The following CCDC47 variants were observed in gnomAD, a reference collection of about 807,000 sequenced individuals.
CCDC47 encodes the protein coiled-coil domain containing 47.
A neutral mutation model predicts 60.5 loss-of-function variants in CCDC47; 41 were observed. The observed-to-expected ratio is 0.68, with a 90% confidence interval of 0.53 to 0.88. The LOEUF (loss-of-function observed/expected upper bound fraction) is 0.88, where lower values mean the gene tolerates loss of function less well. CCDC47 is among the 40% of genes least tolerant of loss of function. The probability of loss-of-function intolerance (pLI) is 0.00; values close to 1 mark genes in which losing one functional copy is unlikely to be tolerated. For missense variants in CCDC47, 513 were observed against 580.9 expected (o/e 0.88, Z 1.20); for synonymous variants, 195 against 190.7 (o/e 1.02, Z -0.18).
chr17:63,761,828 C>G, intron 4 of CCDC47: 1 of 978,782 alleles, frequency 1.0e-6, no homozygotes, highest in Non-Finnish European at 1.2e-6. Context: ...AATAGATTAG[C>G]ACTGTTCGTT....
chr17:63,747,243 G>C, intron 12 of CCDC47: 1 of 984,748 alleles, frequency 1.0e-6, no homozygotes, highest in Non-Finnish European at 1.2e-6. Flanking sequence ...TTGTTATTCT[G>C]GTTTGATTTT....
intron 12 of CCDC47, among the ~76,000 whole-genome samples, chr17:63,750,611 G>A (rs1225774774): frequency 6.6e-6 from 1 of 150,916 alleles, no homozygotes; most frequent in Non-Finnish European, 1.5e-5. Context: ...TTGAGACAGG[G>A]TCTCCCTCTG....
Position 63,765,903 on chromosome 17 carries a change from G to C in CCDC47, c.264+9C>G. On this transcript the variant is annotated intron_variant, in intron 2 of 12. Coordinates refer to ENST00000225726, the MANE Select transcript of CCDC47 (RefSeq NM_020198.3). ...AATTTTTCCAATAAATTAATAAAAA[G>C]AGCCTCACCTGGGTATCTGCATCTT... The C allele has an allele frequency of 6.3e-7, 1 of 1,594,164 alleles. No individual in the cohort carries two copies. The highest frequency in any genetic ancestry group is 1.1e-5 in the South Asian group (1 of 87,586).
In CCDC47 at chr17:63,760,943, G is replaced by A. The variant is rs200959607; in HGVS notation, c.706C>T (p.Arg236Trp). ...TGATCACTCACTGGCCTCATCATCC[G>A]GGCCAGGACATTCAGTAAGTCTTGT... ...KRQDLLNVLA[R>W]MMRPVSDQVQ... Residue 236 changes from arginine to tryptophan, a missense_variant, in exon 6 of 13, where the codon CGG becomes TGG. Arg to Trp is a moderately radical substitution (Grantham distance 101). Coordinates refer to ENST00000225726, the MANE Select transcript of CCDC47 (RefSeq NM_020198.3). 30 of 1,613,348 alleles carry A rather than the reference G, an allele frequency of 1.9e-5. No individual in the cohort carries two copies. Among genetic ancestry groups the A allele is most frequent in the Non-Finnish European group, 2.5e-5 (29 of 1,179,682 alleles).
chr17:63,749,010 T>C (rs1394715406), intron 12 of CCDC47, among the ~76,000 whole-genome samples: 2 of 141,334 alleles, frequency 1.4e-5, no homozygotes, highest in Non-Finnish European at 3.0e-5. Flanking sequence ...TGAGTTTGTC[T>C]CAAAGAAAAA....
intron 12 of CCDC47, among the ~76,000 whole-genome samples, chr17:63,751,365 CAAAAAAAAAAAAAAAAAAAAAAAA>C (rs59161342): frequency 3.4e-4 from 10 of 29,500 alleles, no homozygotes; most frequent in Non-Finnish European, 4.9e-4. Context: ...GACTCCATCT[CAAAAAAAAAAAAAAAAAAAAAAAA>C]AAAAAAAAAA....
At chr17:63,750,970 G>GT (rs1315146625) in intron 12 of CCDC47, among the ~76,000 whole-genome samples, 1 of 151,612 alleles carries the variant, frequency 6.6e-6, no homozygotes, top group African/African-American at 2.4e-5. Flanking sequence ...AATCTCCCAG[G>GT]TTCAAGTAAT....
At chr17:63,753,090 A>G (rs1568246716) in intron 9 of CCDC47, 2 of 373,002 alleles carry the variant, frequency 5.4e-6, no homozygotes, top group Non-Finnish European at 7.4e-6. Context: ...AAATGAGCCT[A>G]TATTTAAGTA....
intron 9 of CCDC47, 75 bp from the exon 10 acceptor site, chr17:63,752,874 C>A: frequency 6.4e-7 from 1 of 1,554,972 alleles, no homozygotes; most frequent in Non-Finnish European, 8.7e-7. Flanking sequence ...ACCCAATACA[C>A]TTAGATGAAC....
Position 63,761,008 on chromosome 17 carries a change from C to T in CCDC47, c.670-29G>A, listed in dbSNP as rs141051031. On this transcript the variant is annotated intron_variant, in intron 5 of 12. Coordinates refer to ENST00000225726, the MANE Select transcript of CCDC47 (RefSeq NM_020198.3). ...AAAAAAATGAGAGAAGTAAGTAAAT[C>T]CAACTGCAACTCCTACTTAGTATAA... is the stretch of plus-strand genomic sequence containing the variant. The T allele has an allele frequency of 1.1e-3, 1,711 of 1,556,052 alleles. 17 individuals are homozygous for T. In the African/African-American group the frequency reaches 0.021, roughly 19 times the overall value.
chr17:63,761,305 G>A lies in CCDC47; in HGVS notation c.594C>T (p.Asn198=), dbSNP rs1164610377. Residue 198 remains asparagine (N), a synonymous_variant, in exon 5 of 13, where the codon AAC becomes AAT. Coordinates refer to ENST00000225726, the MANE Select transcript of CCDC47 (RefSeq NM_020198.3). ...NKEATSTGKL[N]QENEHIYNLW... is the part of the protein sequence containing the mutation. ...GGTTATAGATGTGCTCATTCTCCTG[G>A]TTCAACTTTCCTGTGCTTGTGGCTT... The A allele has an allele frequency of 5.0e-6, 8 of 1,613,948 alleles. No homozygotes were observed. The highest frequency in any genetic ancestry group is 6.8e-6 in the Non-Finnish European group (8 of 1,179,972).
Position 63,760,913 on chromosome 17 carries a change from C to T in CCDC47, c.735+1G>A, listed in dbSNP as rs773617514. 1 of 1,604,760 alleles carries T rather than the reference C, an allele frequency of 6.2e-7. No individual in the cohort carries two copies. Among genetic ancestry groups the T allele is most frequent in the East Asian group, 2.2e-5 (1 of 44,820 alleles). ...AGAAAACCAGCGGGAAGAATACATA[C>T]CACTTGATCACTCACTGGCCTCATC... On this transcript the variant is annotated splice_donor_variant, in intron 6 of 12. Transcript: ENST00000225726. LOFTEE classifies it high-confidence loss of function.
chr17:63,748,765 A>G (rs1452474842), intron 12 of CCDC47, among the ~76,000 whole-genome samples: 1 of 152,094 alleles, frequency 6.6e-6, no homozygotes, highest in Admixed American at 6.6e-5. Flanking sequence ...CCTCGCCTAC[A>G]CTTTGGGAGG....
At chr17:63,747,852 GT>G in intron 12 of CCDC47, 3 of 933,664 alleles carry the variant, frequency 3.2e-6, no homozygotes, top group Non-Finnish European at 3.8e-6. Context: ...ACTGTCTTAG[GT>G]TTTTTCTTTA....
chr17:63,749,224 T>C (rs528720364), intron 12 of CCDC47, among the ~76,000 whole-genome samples: 22 of 148,418 alleles, frequency 1.5e-4, no homozygotes, highest in Non-Finnish European at 2.5e-4. Context: ...CTGACCAACA[T>C]GGTGAAACCC....
Position 63,764,210 on chromosome 17 carries a change from C to T in CCDC47, c.373-20G>A. 1 of 1,560,264 alleles carries T rather than the reference C, an allele frequency of 6.4e-7. No individual in the cohort carries two copies. The highest frequency in any genetic ancestry group is 8.6e-7 in the Non-Finnish European group (1 of 1,156,276). On this transcript the variant is annotated intron_variant, in intron 3 of 12. Transcript: ENST00000225726. ...AGGAACCTAAAAAAGCAAAATCATTCCATTAAATGTTGGCTGAGACTGAAG... is the reference window on the plus strand; with the variant it reads ...AGGAACCTAAAAAAGCAAAATCATTTCATTAAATGTTGGCTGAGACTGAAG...
At chr17:63,765,646 A>T (rs1394032450) in intron 2 of CCDC47, 2 of 1,157,824 alleles carry the variant, frequency 1.7e-6, no homozygotes, top group Non-Finnish European at 2.1e-6. Flanking sequence ...AGCCAATTGC[A>T]AAGTTCTAAA....
intron 1 of CCDC47, among the ~76,000 whole-genome samples, chr17:63,770,018 T>C (rs1309944055): frequency 6.7e-6 from 1 of 149,702 alleles, no homozygotes; most frequent in Non-Finnish European, 1.5e-5. Flanking sequence ...TGGAGTGTAG[T>C]GGCGTGATCT....
chr17:63,746,277 A>T lies in CCDC47; in HGVS notation c.*604T>A, dbSNP rs956016481. The stretch of plus-strand genomic sequence containing the variant: ...TCCTAATGCCTACAGACTTCCTATT[A>T]ATTTTGTTATCAGCATCTCCCACCT... On this transcript the variant is annotated 3_prime_UTR_variant, in exon 13 of 13. Transcript: ENST00000225726. The T allele has an allele frequency of 6.6e-6, 1 of 152,260 alleles. No individual in the cohort carries two copies. The highest frequency in any genetic ancestry group is 1.5e-5 in the Non-Finnish European group (1 of 68,066). The allele number at this position is 152,260 out of a possible 1,614,324, so 9.4% of individuals were successfully genotyped here. A position where few individuals can be genotyped will look rare whatever the true frequency, so the allele number is the denominator to read the frequency against.
Sources: gnomAD v4.1 joint callset for allele counts (sites outside exome capture counted in the v4.1 genomes callset) on GRCh38, gnomAD v4.1.1 for gene constraint, MANE v1.5 for transcripts, NCBI Gene and HGNC (gene_info 2026-07-23, HGNC 2026-07-21) for gene names.